Variants in LMO7 observed in about 807,000 individuals in gnomAD.
LMO7 encodes LIM domain 7, also known as LIM domain only protein 7.
In LMO7, 120 loss-of-function variants were observed where a neutral mutation model predicts 206.5. That is an observed-to-expected ratio of 0.58 (90% CI 0.50 to 0.68). The LOEUF (loss-of-function observed/expected upper bound fraction) is 0.68. Ranked by LOEUF, LMO7 falls within the 30% of genes least tolerant of loss-of-function variation. The probability of loss-of-function intolerance (pLI) is 0.00; values close to 1 mark genes in which losing one functional copy is unlikely to be tolerated. For synonymous variants in LMO7, 706 were observed against 681.5 expected, an observed-to-expected ratio of 1.04 and a Z score of -0.56; for missense variants, 1,959 against 1,957.9, an observed-to-expected ratio of 1.00 and a Z score of -0.01.
At chr13:75,621,674 A>AT (rs111535881) in exon 1 of LMO7, 5 of 1,524,694 alleles carry the variant, frequency 3.3e-6, no homozygotes, top group African/African-American at 2.8e-5. Context: ...AGCTATTTTA[A>AT]TTTTTTTATT....
At chr13:75,621,986 C>A in intron 1 of LMO7, 1 of 580,982 alleles carries the variant, frequency 1.7e-6, no homozygotes, top group Non-Finnish European at 2.8e-6. Context: ...AGTAGGAAGG[C>A]AAGAAGTAAA....
At chr13:75,624,302 C>A (rs1156450362) in intron 2 of LMO7, among the ~76,000 whole-genome samples, 1 of 152,174 alleles carries the variant, frequency 6.6e-6, no homozygotes, top group African/African-American at 2.4e-5. Context: ...ATGACTATTT[C>A]CAAAATCTAA....
intron 15 of LMO7, among the ~76,000 whole-genome samples, chr13:75,828,173 A>C (rs568168904): frequency 6.6e-6 from 1 of 152,334 alleles, no homozygotes; most frequent in South Asian, 2.1e-4. Context: ...ATTTGCTTCC[A>C]TTGGAAAAAG....
chr13:75,799,119 G>T (rs144487342), intron 6 of LMO7, among the ~76,000 whole-genome samples: 2 of 152,134 alleles, frequency 1.3e-5, no homozygotes, highest in Non-Finnish European at 1.5e-5. Context: ...CCAGGGTGTC[G>T]GCATCTAAAG....
intron 1 of LMO7, among the ~76,000 whole-genome samples, chr13:75,711,737 T>C (rs1269579248): frequency 6.6e-6 from 1 of 152,246 alleles, no homozygotes; most frequent in Non-Finnish European, 1.5e-5. Flanking sequence ...TGTTCCTATT[T>C]GGCCATCTTG....
Position 75,823,072 on chromosome 13 carries a change from T to C in LMO7, c.2641-493T>C, listed in dbSNP as rs545103054. The stretch of plus-strand genomic sequence containing the variant: ...CTATCTGTTGACCTGGAGTGATCAA[T>C]AGATAGAACACCAAGACCTTTTGGC... On this transcript the variant is annotated intron_variant, in intron 14 of 30. Coordinates refer to ENST00000377534, the MANE Select transcript of LMO7 (RefSeq NM_001306080.2). Among the ~76,000 whole-genome samples the C allele has an allele frequency of 6.6e-5, 10 of 152,118 alleles. No homozygotes were observed. The South Asian group carries it at 1.9e-3, about 28-fold the overall frequency.
chr13:75,796,107 A>G (rs1476773422), intron 5 of LMO7, among the ~76,000 whole-genome samples: 5 of 152,238 alleles, frequency 3.3e-5, no homozygotes, highest in Admixed American at 3.3e-4. Flanking sequence ...AGTAAATAGG[A>G]AACTACCAAT....
chr13:75,853,088 TCAGA>T lies in LMO7; in HGVS notation c.4365-3_4365del. On this transcript the variant is annotated splice_acceptor_variant and splice_polypyrimidine_tract_variant and coding_sequence_variant and intron_variant, in exon 28 of 31. Transcript: ENST00000377534. LOFTEE classifies it high-confidence loss of function. Reference sequence around the variant, plus strand: ...TATTTTGATGAGTCTTTTTTGTGTTTCAGAGGCGAATCTTTAGATAACCTGGACT... The same window carrying T: ...TATTTTGATGAGTCTTTTTTGTGTTTGGCGAATCTTTAGATAACCTGGACT... 1.3e-6 allele frequency: 2 copies of T among 1,587,908 alleles called. No homozygotes were observed. Among genetic ancestry groups the T allele is most frequent in the Admixed American group, 1.8e-5 (1 of 57,028 alleles).
chr13:75,788,849 G>C (rs1304921446), intron 4 of LMO7: 4 of 152,486 alleles, frequency 2.6e-5, no homozygotes, highest in Admixed American at 2.0e-4. Context: ...ACTTTTGAAG[G>C]GTGGGGTCTG....
chr13:75,698,342 C>G (rs2042040960), intron 1 of LMO7, among the ~76,000 whole-genome samples: 1 of 152,080 alleles, frequency 6.6e-6, no homozygotes, highest in East Asian at 1.9e-4. Flanking sequence ...AGCTGTGTTG[C>G]TCAGGCTAGA....
At chr13:75,642,271 A>G (rs755374800) in intron 1 of LMO7, among the ~76,000 whole-genome samples, 2 of 152,126 alleles carry the variant, frequency 1.3e-5, no homozygotes, top group East Asian at 3.9e-4. Context: ...GACTTCTTTC[A>G]TAAAGTGAGG....
At chr13:75,790,220 C>CA (rs1301890582) in intron 4 of LMO7, among the ~76,000 whole-genome samples, 1 of 152,130 alleles carries the variant, frequency 6.6e-6, no homozygotes, top group Non-Finnish European at 1.5e-5. Context: ...GACTGTCCTC[C>CA]AGCCACTGCC....
intron 14 of LMO7, among the ~76,000 whole-genome samples, chr13:75,822,502 TG>T: frequency 6.6e-6 from 1 of 151,930 alleles, no homozygotes. Flanking sequence ...TTCTACAAAT[TG>T]GTAAGCAAAT....
At chr13:75,668,885 G>A (rs1477550348) in intron 1 of LMO7, among the ~76,000 whole-genome samples, 1 of 152,186 alleles carries the variant, frequency 6.6e-6, no homozygotes, top group Non-Finnish European at 1.5e-5. Flanking sequence ...CTAAGGTGGG[G>A]ATACCACCAA....
chr13:75,685,679 T>C (rs2040913204), intron 1 of LMO7, among the ~76,000 whole-genome samples: 1 of 152,054 alleles, frequency 6.6e-6, no homozygotes, highest in Non-Finnish European at 1.5e-5. Context: ...TGCATAGCTC[T>C]CTGAGGCCTG....
chr13:75,626,054 C>T (rs1179668163), intron 2 of LMO7, among the ~76,000 whole-genome samples: 1 of 152,146 alleles, frequency 6.6e-6, no homozygotes, highest in Non-Finnish European at 1.5e-5. Flanking sequence ...TCACTGGGCT[C>T]TTACAATGGA....
At chr13:75,792,143 A>C (rs1022136747) in intron 4 of LMO7, among the ~76,000 whole-genome samples, 4 of 151,944 alleles carry the variant, frequency 2.6e-5, no homozygotes, top group African/African-American at 9.7e-5. Flanking sequence ...TAATTTTTAC[A>C]TTGTTTAAGA....
chr13:75,732,575 C>T (rs1265907428), intron 3 of LMO7, among the ~76,000 whole-genome samples: 2 of 152,116 alleles, frequency 1.3e-5, no homozygotes, highest in African/African-American at 2.4e-5. Flanking sequence ...TTTGACTTTC[C>T]TCCTGTAGCT....
intron 4 of LMO7, among the ~76,000 whole-genome samples, chr13:75,778,643 CACTTA>C (rs1228094295): frequency 3.9e-5 from 6 of 152,224 alleles, no homozygotes; most frequent in Non-Finnish European, 8.8e-5. Context: ...CCAGGCGTTT[CACTTA>C]ACTTCGAGTT....
Sources: allele counts gnomAD v4.1 joint callset (sites outside exome capture counted in the v4.1 genomes callset), GRCh38; gene constraint gnomAD v4.1.1; transcripts MANE v1.5; gene names NCBI Gene and HGNC (gene_info 2026-07-23, HGNC 2026-07-21).